Variants in EDN2 observed in about 807,000 individuals in gnomAD.
EDN2 encodes the protein endothelin-2.
Under a neutral mutation model 19.9 loss-of-function variants are expected in EDN2, and 10 were observed. That is an observed-to-expected ratio of 0.50 (90% confidence interval 0.31 to 0.85). The LOEUF is 0.85. EDN2 is among the 40% of genes least tolerant of loss of function. EDN2 has a pLI of 0.05. For synonymous variants in EDN2, 84 were observed against 94.9 expected (o/e 0.89, Z 0.67); for missense variants, 222 against 239.3 (o/e 0.93, Z 0.48).
intron 4 of EDN2, among the ~76,000 whole-genome samples, chr1:41,480,439 G>A (rs962197290): frequency 2.0e-5 from 3 of 152,210 alleles, no homozygotes; most frequent in Admixed American, 6.5e-5. Flanking sequence ...TGACCTCACA[G>A]CAACCCCAGG....
chr1:41,482,745 C>T (rs936851717), intron 2 of EDN2, among the ~76,000 whole-genome samples, 157 bp from the exon 3 acceptor site: 2 of 152,170 alleles, frequency 1.3e-5, no homozygotes, highest in South Asian at 2.1e-4. Context: ...CAGCAGGGTG[C>T]CAATGAAAGG....
chr1:41,479,797 C>T (rs1388543935), intron 4 of EDN2, among the ~76,000 whole-genome samples: 3 of 152,210 alleles, frequency 2.0e-5, no homozygotes, highest in African/African-American at 7.2e-5. Context: ...CCGTCATCTG[C>T]CTTCCCACTT....
At position 41,480,591 on chromosome 1, in the gene EDN2, G is replaced by A. The variant is rs556340387; in HGVS notation, c.443+504C>T. 1.4e-3 allele frequency: 540 copies of A among 399,144 alleles called. 1 individual carries two copies. The highest frequency in any genetic ancestry group is 0.01 in the African/African-American group (507 of 48,954). The allele number at this position is 399,144 out of a possible 1,614,324, so 24.7% of individuals were successfully genotyped here. A position where few individuals can be genotyped will look rare whatever the true frequency, so the allele number is the denominator to read the frequency against. On this transcript the variant is annotated intron_variant, in intron 4 of 4. Coordinates refer to ENST00000372587, the MANE Select transcript of EDN2 (RefSeq NM_001956.5). Reference sequence around the variant, plus strand: ...TTCAGATCAAGCAGTCTGCCCCAGAGGCTGCCCCTACAGCCACTCTGCTGC... The same window carrying A: ...TTCAGATCAAGCAGTCTGCCCCAGAAGCTGCCCCTACAGCCACTCTGCTGC...
chr1:41,482,655 A>T (rs1273662999), intron 2 of EDN2, 67 bp from the exon 3 acceptor site: 2 of 1,487,530 alleles, frequency 1.3e-6, no homozygotes, highest in African/African-American at 1.5e-5. Context: ...GAAAAAAATA[A>T]AGAGAGAGAG....
At chr1:41,484,292 T>C (rs991522861) in intron 1 of EDN2, 89 bp from the exon 2 acceptor site, 7 of 1,494,554 alleles carry the variant, frequency 4.7e-6, no homozygotes, top group Admixed American at 2.0e-5. Flanking sequence ...GCCCCTCCTC[T>C]TGCATAATCG....
chr1:41,482,374 C>G, intron 3 of EDN2, 92 bp downstream of exon 3: 2 of 1,390,774 alleles, frequency 1.4e-6, no homozygotes, highest in African/African-American at 1.5e-5. Flanking sequence ...CTTGCCAGTT[C>G]GCTCCTCTGC....
rs199637889 is a variant in EDN2, at chr1:41,481,150, C to T, written c.388G>A (p.Val130Met). 1.2e-5 allele frequency: 20 copies of T among 1,614,110 alleles called. No homozygotes were observed. In the East Asian group the frequency reaches 1.6e-4, roughly 13 times the overall value. ...AVPSRKSPAD[V>M]FQTGKTGATT... The stretch of plus-strand genomic sequence containing the variant: ...GCCCCTGTCTTGCCAGTCTGGAACA[C>T]GTCTGCAGGGGACTTCCGGCTTGGG... Residue 130 changes from valine (V) to methionine (M), a missense_variant, in exon 4 of 5, where the codon GTG becomes ATG. Coordinates refer to ENST00000372587, the MANE Select transcript of EDN2 (RefSeq NM_001956.5).
At chr1:41,483,291 C>G (rs951680483) in intron 2 of EDN2, among the ~76,000 whole-genome samples, 1 of 152,246 alleles carries the variant, frequency 6.6e-6, no homozygotes, top group African/African-American at 2.4e-5. Flanking sequence ...CAGGTAGACT[C>G]AGCACGCAGG....
chr1:41,482,364 C>G, intron 3 of EDN2, 102 bp downstream of exon 3: 1 of 1,362,864 alleles, frequency 7.3e-7, no homozygotes, highest in Non-Finnish European at 9.5e-7. Flanking sequence ...TCACCCCCAA[C>G]TTGCCAGTTC....
chr1:41,482,159 C>T (rs11572357), intron 3 of EDN2, among the ~76,000 whole-genome samples: 1,794 of 152,354 alleles, frequency 0.012, 30 homozygotes, highest in Admixed American at 0.054. Context: ...TGCAGCCTGA[C>T]GTGTCCTGCC....
intron 1 of EDN2, 70 bp downstream of exon 1, chr1:41,484,467 CA>C: frequency 6.5e-7 from 1 of 1,527,798 alleles, no homozygotes; most frequent in African/African-American, 1.4e-5. Context: ...GGAGGCACTG[CA>C]GCCCTAGAGG....
rs755135577 is a variant in EDN2 at position 41,479,393 on chromosome 1, C to T, written c.*16G>A. ...CCCCGCGGGCTTCCTTCCCAATGTT[C>T]CTCCAGCTCACGACACTATCTCTTC... On this transcript the variant is annotated 3_prime_UTR_variant, in exon 5 of 5. Transcript: ENST00000372587. 2 of 1,607,912 alleles carry T rather than the reference C, an allele frequency of 1.2e-6. No homozygotes were observed. Among genetic ancestry groups the T allele is most frequent in the Admixed American group, 1.7e-5 (1 of 60,012 alleles).
intron 4 of EDN2, 101 bp downstream of exon 4, chr1:41,480,994 G>C: frequency 1.0e-6 from 1 of 978,490 alleles, no homozygotes; most frequent in South Asian, 1.5e-5. Flanking sequence ...AGTTCTCTTT[G>C]CTGCCCAATG....
chr1:41,481,178 T>C lies in EDN2; in HGVS notation c.360A>G (p.Ala120=). The C allele has an allele frequency of 6.8e-6, 11 of 1,613,970 alleles. No individual in the cohort carries two copies. Among genetic ancestry groups the C allele is most frequent in the Non-Finnish European group, 9.3e-6 (11 of 1,180,026 alleles). Residue 120 remains alanine, a synonymous_variant, in exon 4 of 5, where the codon GCA becomes GCG. Coordinates refer to ENST00000372587, the MANE Select transcript of EDN2 (RefSeq NM_001956.5). ...CTGCAGGGGACTTCCGGCTTGGGAC[T>C]GCCCCGGCTTCAGTCCTACGTGAAT... The part of the protein sequence containing the change: ...CLRRPWTEAG[A]VPSRKSPADV...
rs1484723495 is a variant in EDN2, at chr1:41,481,324, CT to C, written c.345-132del. The C allele has an allele frequency of 9.3e-6, 6 of 647,074 alleles. No homozygotes were observed. In the African/African-American group the frequency reaches 1.1e-4, roughly 12 times the overall value. The allele number at this position is 647,074 out of a possible 1,614,324, so 40.1% of individuals were successfully genotyped here. ...TGCGGGAGCAGATCCATTTCCACCC[CT>C]GTGCACCTGGCATCTTTCCCTTTCC... is the stretch of plus-strand genomic sequence containing the variant. On this transcript the variant is annotated intron_variant, in intron 3 of 4. Coordinates refer to ENST00000372587, the MANE Select transcript of EDN2 (RefSeq NM_001956.5).
chr1:41,483,869 T>A (rs553505309), intron 2 of EDN2, 178 bp downstream of exon 2: 2 of 657,018 alleles, frequency 3.0e-6, no homozygotes, highest in South Asian at 4.3e-5. Flanking sequence ...GCCCTCTCTA[T>A]GGCTCAGGTG....
chr1:41,479,319 G>A lies in EDN2; in HGVS notation c.*90C>T, dbSNP rs1327159521. 8.8e-7 allele frequency: 1 copy of A among 1,140,516 alleles called. No individual in the cohort carries two copies. Among genetic ancestry groups the A allele is most frequent in the South Asian group, 1.3e-5 (1 of 77,816 alleles). The allele number at this position is 1,140,516 out of a possible 1,614,324, so 70.6% of individuals were successfully genotyped here. The stretch of plus-strand genomic sequence containing the variant: ...GTCTGGGACCAAGGCCCCGGTCCAG[G>A]AAGCAGGCAGAGAGTCCACAAGCCC... On this transcript the variant is annotated 3_prime_UTR_variant, in exon 5 of 5. Transcript: ENST00000372587.
Position 41,482,645 on chromosome 1 carries a change from G to A in EDN2, c.222-57C>T, listed in dbSNP as rs11572354. ...TGGGGTGGAGAGAAAGAGAGAGAGA[G>A]AAAAAAATAAAGAGAGAGAGGATTA... is the stretch of plus-strand genomic sequence containing the variant. On this transcript the variant is annotated intron_variant, in intron 2 of 4. Transcript: ENST00000372587. 3.9e-4 allele frequency: 581 copies of A among 1,493,834 alleles called. 7 individuals are homozygous for A. The South Asian group carries it at 4.6e-3, about 12-fold the overall frequency. The allele number at this position is 1,493,834 out of a possible 1,614,324, so 92.5% of individuals were successfully genotyped here. A position where few individuals can be genotyped will look rare whatever the true frequency, so the allele number is the denominator to read the frequency against.
At chr1:41,481,551 T>TC (rs1644247869) in intron 3 of EDN2, among the ~76,000 whole-genome samples, 1 of 151,064 alleles carries the variant, frequency 6.6e-6, no homozygotes, top group South Asian at 2.1e-4. Context: ...GATTTTTTTT[T>TC]TTTTTGAGAC....
Sources: gnomAD v4.1 joint callset for allele counts (sites outside exome capture counted in the v4.1 genomes callset) on GRCh38, gnomAD v4.1.1 for gene constraint, MANE v1.5 for transcripts, NCBI Gene and HGNC (gene_info 2026-07-23, HGNC 2026-07-21) for gene names.